RALGAPA2: variants seen among roughly 807,000 people sequenced by gnomAD.
The protein encoded by RALGAPA2 is Ral GTPase activating protein catalytic subunit alpha 2.
Under a neutral mutation model 230.4 loss-of-function variants are expected in RALGAPA2, and 139 were observed. That is an observed-to-expected ratio of 0.60 (90% CI 0.53 to 0.69). RALGAPA2 has a LOEUF of 0.69. Ranked by LOEUF, RALGAPA2 falls within the 30% of genes least tolerant of loss-of-function variation. The probability of loss-of-function intolerance (pLI) is 0.00; values close to 1 mark genes in which losing one functional copy is unlikely to be tolerated. For missense variants in RALGAPA2, 2,163 were observed against 2,276.0 expected (o/e 0.95, Z 1.01); for synonymous variants, 847 against 837.8 (o/e 1.01, Z -0.19).
chr20:20,548,108 A>G (rs1301767633), intron 23 of RALGAPA2, among the ~76,000 whole-genome samples: 2 of 151,440 alleles, frequency 1.3e-5, no homozygotes, highest in African/African-American at 2.4e-5. Context: ...TCAATATAAG[A>G]GTAAGAAGCA....
At chr20:20,655,378 C>T (rs1417918523) in intron 3 of RALGAPA2, among the ~76,000 whole-genome samples, 4 of 151,204 alleles carry the variant, frequency 2.6e-5, no homozygotes, top group African/African-American at 7.3e-5. Flanking sequence ...ATATTACAGA[C>T]GTAAGGGGGA....
chr20:20,410,165 C>A (rs2060030988), intron 38 of RALGAPA2, among the ~76,000 whole-genome samples: 1 of 152,184 alleles, frequency 6.6e-6, no homozygotes, highest in South Asian at 2.1e-4. Flanking sequence ...AGCCTATTGA[C>A]AATCCTCTCC....
intron 37 of RALGAPA2, among the ~76,000 whole-genome samples, chr20:20,449,895 TA>T (rs2060949994): frequency 6.6e-6 from 1 of 152,212 alleles, no homozygotes; most frequent in Non-Finnish European, 1.5e-5. Context: ...AGACATGTGG[TA>T]GCTACACCTT....
chr20:20,480,577 A>C (rs1483295746), intron 36 of RALGAPA2, among the ~76,000 whole-genome samples: 1 of 152,120 alleles, frequency 6.6e-6, no homozygotes, highest in Non-Finnish European at 1.5e-5. Flanking sequence ...GGAAGAGGAA[A>C]CTGATGGTCA....
chr20:20,534,165 C>G (rs978270709), intron 26 of RALGAPA2, among the ~76,000 whole-genome samples: 3 of 152,170 alleles, frequency 2.0e-5, no homozygotes, highest in Non-Finnish European at 4.4e-5. Flanking sequence ...ATAGAGATGG[C>G]TGGGCGCAGT....
intron 36 of RALGAPA2, 75 bp from the exon 37 acceptor site, chr20:20,473,031 G>C (rs1641149511): frequency 1.4e-6 from 2 of 1,462,872 alleles, no homozygotes; most frequent in Non-Finnish European, 1.9e-6. Context: ...GTAGCTGACT[G>C]ATGTCAGACC....
intron 4 of RALGAPA2, among the ~76,000 whole-genome samples, chr20:20,648,445 T>A (rs539514833): frequency 1.3e-5 from 2 of 152,278 alleles, no homozygotes; most frequent in African/African-American, 4.8e-5. Flanking sequence ...AATGATTTCA[T>A]ATATGTATAC....
In RALGAPA2 at chr20:20,616,145, G is replaced by A. The variant is rs750916310; in HGVS notation, c.1586C>T (p.Ala529Val). ...TTCTTTCAAGAGCACAGGAACTTCA[G>A]CACATGGTTCCAACAAAAAGATGTT... ...SANIFLLEPC[A>V]EVPVLLKEQV... The change falls in exon 13 of 40, where the codon GCT (alanine) becomes GTT (valine). Residue 529 changes from alanine (A) to valine (V), a missense_variant. Coordinates refer to ENST00000202677, the MANE Select transcript of RALGAPA2 (RefSeq NM_020343.4). 1.5e-5 allele frequency: 23 copies of A among 1,549,816 alleles called. No individual in the cohort carries two copies. Among genetic ancestry groups the A allele is most frequent in the Non-Finnish European group, 1.9e-5 (22 of 1,147,948 alleles).
chr20:20,470,230 T>C (rs951692292), intron 37 of RALGAPA2, among the ~76,000 whole-genome samples: 5 of 152,190 alleles, frequency 3.3e-5, no homozygotes, highest in Non-Finnish European at 5.9e-5. Flanking sequence ...AATGCCCCCA[T>C]CCTTAGCTTA....
intron 24 of RALGAPA2, among the ~76,000 whole-genome samples, chr20:20,544,606 A>T (rs1602726344): frequency 6.6e-6 from 1 of 152,164 alleles, no homozygotes; most frequent in Non-Finnish European, 1.5e-5. Flanking sequence ...CATAGCAAAG[A>T]CTTGGAACCA....
intron 37 of RALGAPA2, among the ~76,000 whole-genome samples, chr20:20,444,543 A>G (rs1186057730): frequency 6.6e-6 from 1 of 152,196 alleles, no homozygotes; most frequent in African/African-American, 2.4e-5. Context: ...CAGCACCCCA[A>G]TAAAAAATCA....
chr20:20,469,843 T>C (rs1303506866), intron 37 of RALGAPA2, among the ~76,000 whole-genome samples: 1 of 152,146 alleles, frequency 6.6e-6, no homozygotes, highest in Admixed American at 6.5e-5. Flanking sequence ...AATAGGCTCT[T>C]TGATTGCCCA....
intron 21 of RALGAPA2, among the ~76,000 whole-genome samples, chr20:20,572,273 T>C (rs540636913): frequency 6.6e-6 from 1 of 151,638 alleles, no homozygotes; most frequent in East Asian, 1.9e-4. Flanking sequence ...GAAAAAAAAA[T>C]TTAATACATG....
At chr20:20,654,027 G>T (rs899411921) in intron 3 of RALGAPA2, among the ~76,000 whole-genome samples, 2 of 152,110 alleles carry the variant, frequency 1.3e-5, no homozygotes, top group Non-Finnish European at 2.9e-5. Context: ...CAAAGAGAAT[G>T]AGACTGTAAA....
chr20:20,605,071 G>A, intron 15 of RALGAPA2, 104 bp downstream of exon 15: 1 of 904,778 alleles, frequency 1.1e-6, no homozygotes, highest in Non-Finnish European at 1.7e-6. Flanking sequence ...TGTGTAGTTG[G>A]TTCAGTTCAT....
chr20:20,651,724 C>T (rs1430621625), intron 4 of RALGAPA2, among the ~76,000 whole-genome samples: 1 of 152,142 alleles, frequency 6.6e-6, no homozygotes, highest in East Asian at 1.9e-4. Flanking sequence ...TGTGAAGAGC[C>T]TACTAATCTT....
At chr20:20,637,809 T>C (rs2066904147) in intron 7 of RALGAPA2, among the ~76,000 whole-genome samples, 1 of 152,238 alleles carries the variant, frequency 6.6e-6, no homozygotes, top group Admixed American at 6.5e-5. Flanking sequence ...TTTTTGTAAT[T>C]ATCTAACATT....
At chr20:20,481,635 TG>T (rs1480647594) in intron 36 of RALGAPA2, among the ~76,000 whole-genome samples, 1 of 152,208 alleles carries the variant, frequency 6.6e-6, no homozygotes, top group East Asian at 1.9e-4. Flanking sequence ...AATTTCTCCT[TG>T]ACTTCACACA....
Position 20,704,311 on chromosome 20 carries a change from C to A in RALGAPA2, c.106+8064G>T, listed in dbSNP as rs147795422. ...ATTATCCCCCGTTTCTTCAGTTTTG[C>A]TCTTCATTAGCTACTTCTCCTATAT... On this transcript the variant is annotated intron_variant, in intron 1 of 39. Coordinates refer to ENST00000202677, the MANE Select transcript of RALGAPA2 (RefSeq NM_020343.4). Among the ~76,000 whole-genome samples, 21 of 152,278 alleles carry A rather than the reference C, an allele frequency of 1.4e-4. No homozygotes were observed. The East Asian group carries it at 4.0e-3, about 29-fold the overall frequency.
Sources: gnomAD v4.1 joint callset for allele counts (sites outside exome capture counted in the v4.1 genomes callset) on GRCh38, gnomAD v4.1.1 for gene constraint, MANE v1.5 for transcripts, NCBI Gene and HGNC (gene_info 2026-07-23, HGNC 2026-07-21) for gene names.